SGCZ: variants seen among roughly 807,000 people sequenced by gnomAD.
The protein encoded by SGCZ is sarcoglycan zeta.
Under a neutral mutation model 41.3 loss-of-function variants are expected in SGCZ, and 40 were observed. The observed-to-expected ratio is 0.97, with a 90% confidence interval of 0.75 to 1.26. The LOEUF (loss-of-function observed/expected upper bound fraction) is 1.26, where lower values mean the gene tolerates loss of function less well. SGCZ is among the 50% of genes most tolerant of loss of function. SGCZ has a pLI of 0.00. For synonymous variants in SGCZ, 206 were observed against 137.5 expected, an observed-to-expected ratio of 1.50 and a Z score of -3.49; for missense variants, 552 against 369.8, an observed-to-expected ratio of 1.49 and a Z score of -4.04.
intron 5 of SGCZ, among the ~76,000 whole-genome samples, chr8:14,154,433 C>G (rs949306497): frequency 6.6e-6 from 1 of 152,162 alleles, no homozygotes; most frequent in Non-Finnish European, 1.5e-5. Context: ...GTTTAAGCCA[C>G]TCAGTTCATG....
intron 1 of SGCZ, among the ~76,000 whole-genome samples, chr8:14,988,519 T>C (rs1801902133): frequency 6.6e-6 from 1 of 152,086 alleles, no homozygotes; most frequent in Non-Finnish European, 1.5e-5. Context: ...TTGAGAATAG[T>C]GTTTTCCTTC....
chr8:14,342,262 A>T (rs989729199), intron 2 of SGCZ, among the ~76,000 whole-genome samples: 4 of 152,132 alleles, frequency 2.6e-5, no homozygotes, highest in African/African-American at 9.7e-5. Flanking sequence ...TGCCCTAGAG[A>T]TTTGTGGAAC....
chr8:14,618,370 C>T (rs1806175920), intron 1 of SGCZ, among the ~76,000 whole-genome samples: 1 of 152,090 alleles, frequency 6.6e-6, no homozygotes. Context: ...GGAATTAGAA[C>T]TGGGACTCAA....
intron 3 of SGCZ, among the ~76,000 whole-genome samples, chr8:14,262,978 G>A (rs892606825): frequency 2.4e-4 from 36 of 152,236 alleles, no homozygotes; most frequent in African/African-American, 8.2e-4. Context: ...ACACTTGCCT[G>A]CATTTGTATT....
chr8:14,356,164 A>C (rs1414544011), intron 2 of SGCZ, among the ~76,000 whole-genome samples: 3 of 152,202 alleles, frequency 2.0e-5, no homozygotes, highest in Non-Finnish European at 4.4e-5. Context: ...GCTAAACATA[A>C]GTGTTCTGAC....
intron 1 of SGCZ, among the ~76,000 whole-genome samples, chr8:15,166,500 G>A (rs1392907110): frequency 6.6e-6 from 1 of 151,962 alleles, no homozygotes; most frequent in Non-Finnish European, 1.5e-5. Flanking sequence ...CGCCCGCCTT[G>A]GCCTCCCAAA....
intron 1 of SGCZ, among the ~76,000 whole-genome samples, chr8:14,645,752 G>A (rs898190213): frequency 3.3e-5 from 5 of 151,232 alleles, no homozygotes; most frequent in East Asian, 2.0e-4. Context: ...AAATTTTTAC[G>A]TAGTAAGTTA....
At chr8:14,938,192 T>C (rs767578527) in intron 1 of SGCZ, among the ~76,000 whole-genome samples, 24 of 152,328 alleles carry the variant, frequency 1.6e-4, no homozygotes, top group Middle Eastern at 6.8e-3. Context: ...TCTACTTTTA[T>C]ACTGTAGCTG....
intron 4 of SGCZ, among the ~76,000 whole-genome samples, chr8:14,208,613 C>T (rs544187251): frequency 2.6e-4 from 39 of 152,152 alleles, no homozygotes; most frequent in African/African-American, 8.9e-4. Flanking sequence ...TAGAATCAGA[C>T]ATTTTTCTTT....
chr8:14,271,833 C>T (rs1031888044), intron 3 of SGCZ, among the ~76,000 whole-genome samples: 52 of 152,126 alleles, frequency 3.4e-4, no homozygotes, highest in African/African-American at 1.0e-3. Context: ...TGAACAATTG[C>T]TGTTAAAAGC....
intron 6 of SGCZ, 69 bp downstream of exon 6, chr8:14,108,094 G>C: frequency 7.4e-7 from 1 of 1,357,284 alleles, no homozygotes. Context: ...GTCTATTTTA[G>C]TTCTTCATAT....
chr8:14,271,257 A>T (rs1482865081), intron 3 of SGCZ, among the ~76,000 whole-genome samples: 3 of 152,232 alleles, frequency 2.0e-5, no homozygotes, highest in African/African-American at 7.2e-5. Flanking sequence ...AATCTTAAAA[A>T]GATCTGTGAA....
intron 3 of SGCZ, among the ~76,000 whole-genome samples, chr8:14,282,528 A>G (rs1166398514): frequency 6.6e-6 from 1 of 152,058 alleles, no homozygotes; most frequent in African/African-American, 2.4e-5. Context: ...TGGTGTTTTC[A>G]ACACCTAGTG....
chr8:14,802,000 T>G (rs1801335590), intron 1 of SGCZ, among the ~76,000 whole-genome samples: 1 of 152,148 alleles, frequency 6.6e-6, no homozygotes, highest in Admixed American at 6.5e-5. Flanking sequence ...AGGAGCACTT[T>G]TAAAATATGG....
intron 2 of SGCZ, among the ~76,000 whole-genome samples, chr8:14,408,968 T>C (rs1799286080): frequency 8.1e-6 from 1 of 123,388 alleles, no homozygotes; most frequent in African/African-American, 3.7e-5. Context: ...TGTGTGTGTG[T>C]GTGCATGTGT....
chr8:14,343,969 T>G (rs1400100508), intron 2 of SGCZ, among the ~76,000 whole-genome samples: 5 of 152,074 alleles, frequency 3.3e-5, no homozygotes, highest in Admixed American at 6.5e-5. Flanking sequence ...ATAATTCAAG[T>G]ATTCAGAAAA....
rs1801591656 is a variant in SGCZ at position 14,088,428 on chromosome 8, T to C, written c.*2015A>G. On this transcript the variant is annotated 3_prime_UTR_variant, in exon 8 of 8. Transcript: ENST00000382080. ...AACTTGAATATGTCTTAAATTAAATTACTACATAATGTTTTCCTTAAAAGT... is the reference window on the plus strand; with the variant it reads ...AACTTGAATATGTCTTAAATTAAATCACTACATAATGTTTTCCTTAAAAGT... Among the ~76,000 whole-genome samples, 1 of 151,856 alleles carries C rather than the reference T, an allele frequency of 6.6e-6. No homozygotes were observed. The highest frequency in any genetic ancestry group is 2.1e-4 in the South Asian group (1 of 4,830).
intron 1 of SGCZ, among the ~76,000 whole-genome samples, chr8:14,857,653 C>T (rs1585323295): frequency 6.6e-6 from 1 of 152,104 alleles, no homozygotes; most frequent in African/African-American, 2.4e-5. Flanking sequence ...TGCTTGAGGT[C>T]AGGAGTTTGA....
chr8:15,128,643 ATCC>A (rs983239730), intron 1 of SGCZ, among the ~76,000 whole-genome samples: 1 of 152,124 alleles, frequency 6.6e-6, no homozygotes, highest in Non-Finnish European at 1.5e-5. Context: ...AAGTTAATAA[ATCC>A]TCCCATAGTT....
Sources: allele counts gnomAD v4.1 joint callset (sites outside exome capture counted in the v4.1 genomes callset), GRCh38; gene constraint gnomAD v4.1.1; transcripts MANE v1.5; gene names NCBI Gene and HGNC (gene_info 2026-07-23, HGNC 2026-07-21).